The following LRP1B variants were observed in gnomAD, a reference collection of about 807,000 sequenced individuals.
The protein encoded by LRP1B is low-density lipoprotein receptor-related protein 1B.
LRP1B carries 217 observed loss-of-function variants against 556.6 expected under a neutral mutation model. The ratio of observed to expected loss-of-function variants is 0.39; its 90% CI spans 0.35 to 0.44. LRP1B has a LOEUF of 0.44. Among genes scored for constraint, LRP1B ranks in the 20% least tolerant of loss-of-function variants. The probability of loss-of-function intolerance (pLI) is 1.00; values close to 1 mark genes in which losing one functional copy is unlikely to be tolerated. For synonymous variants in LRP1B, 2,047 were observed against 1,865.8 expected, an observed-to-expected ratio of 1.10 and a Z score of -2.50; for missense variants, 5,053 against 5,620.8, an observed-to-expected ratio of 0.90 and a Z score of 3.23.
At chr2:140,646,659 C>T (rs560087130) in intron 41 of LRP1B, among the ~76,000 whole-genome samples, 2 of 152,058 alleles carry the variant, frequency 1.3e-5, no homozygotes, top group East Asian at 3.9e-4. Flanking sequence ...AAACTGTTAG[C>T]TTTTTAAGGT....
intron 3 of LRP1B, among the ~76,000 whole-genome samples, chr2:141,260,442 T>G (rs1189361559): frequency 6.6e-6 from 1 of 152,164 alleles, no homozygotes; most frequent in Non-Finnish European, 1.5e-5. Context: ...TGTAAATAAA[T>G]CATGCTGACC....
chr2:141,887,970 T>C (rs972626655), intron 1 of LRP1B, among the ~76,000 whole-genome samples: 1 of 152,214 alleles, frequency 6.6e-6, no homozygotes, highest in South Asian at 2.1e-4. Flanking sequence ...CTAAAGATGA[T>C]TTCCCTCTTA....
At position 140,840,982 on chromosome 2, in the gene LRP1B, A is replaced by G; in HGVS notation, c.5050T>C (p.Leu1684=). 6.2e-7 allele frequency: 1 copy of G among 1,613,506 alleles called. No homozygotes were observed. The highest frequency in any genetic ancestry group is 1.3e-5 in the African/African-American group (1 of 75,004). ...QINVARLDGS[L]KTSIIHGIDK... is the part of the protein sequence containing the mutation. ...ATTCCATGGATAATTGAGGTTTTCA[A>G]AGAGCCATCTAGCCTTGCCACATTA... The change falls in exon 30 of 91, where the codon TTG becomes CTG. Residue 1684 remains leucine, a synonymous_variant. Transcript: ENST00000389484.
intron 42 of LRP1B, among the ~76,000 whole-genome samples, chr2:140,600,221 T>C (rs1198201320): frequency 6.6e-6 from 1 of 152,144 alleles, no homozygotes; most frequent in South Asian, 2.1e-4. Context: ...CCAACTCTTT[T>C]ATTCCTACTG....
intron 35 of LRP1B, among the ~76,000 whole-genome samples, chr2:140,764,369 G>A (rs932735454): frequency 6.6e-6 from 1 of 152,074 alleles, no homozygotes; most frequent in Non-Finnish European, 1.5e-5. Flanking sequence ...AATGCACGAC[G>A]GCACAGTGGA....
intron 1 of LRP1B, among the ~76,000 whole-genome samples, chr2:142,071,004 C>T (rs1410476379): frequency 1.3e-5 from 2 of 151,648 alleles, no homozygotes; most frequent in South Asian, 2.1e-4. Context: ...TTGAGAAAGG[C>T]GAAGTTAATG....
chr2:140,314,930 T>C lies in LRP1B; in HGVS notation c.12805+5A>G. 2 of 1,559,780 alleles carry C rather than the reference T, an allele frequency of 1.3e-6. No homozygotes were observed. Among genetic ancestry groups the C allele is most frequent in the Non-Finnish European group, 8.7e-7 (1 of 1,154,346 alleles). On this transcript the variant is annotated splice_donor_5th_base_variant and intron_variant, in intron 83 of 90. Transcript: ENST00000389484. The stretch of plus-strand genomic sequence containing the variant: ...TGTGAAATACAATGACAATGAAATA[T>C]TTACCTAGAACTGATGGTACGCAAG...
intron 84 of LRP1B, among the ~76,000 whole-genome samples, chr2:140,277,779 G>A (rs1025177006): frequency 2.0e-5 from 3 of 151,860 alleles, no homozygotes; most frequent in East Asian, 1.9e-4. Flanking sequence ...ACTACTACTC[G>A]TGGGAGAGAA....
intron 18 of LRP1B, among the ~76,000 whole-genome samples, chr2:140,968,213 T>A (rs1461323434): frequency 1.3e-5 from 2 of 151,858 alleles, no homozygotes; most frequent in African/African-American, 4.8e-5. Context: ...TCAGAGCCTG[T>A]TATTGGTCTA....
intron 41 of LRP1B, among the ~76,000 whole-genome samples, chr2:140,639,287 A>T (rs1488917786): frequency 6.6e-6 from 1 of 152,228 alleles, no homozygotes; most frequent in Admixed American, 6.5e-5. Flanking sequence ...TAATTAAAAA[A>T]ACTAATCATC....
intron 37 of LRP1B, among the ~76,000 whole-genome samples, chr2:140,703,570 G>A (rs1686723008): frequency 6.6e-6 from 1 of 152,120 alleles, no homozygotes; most frequent in African/African-American, 2.4e-5. Flanking sequence ...TTCAACAGCT[G>A]GGTGTATAGT....
chr2:142,095,940 C>A (rs1010298179), intron 1 of LRP1B, among the ~76,000 whole-genome samples: 1 of 151,660 alleles, frequency 6.6e-6, no homozygotes, highest in African/African-American at 2.4e-5. Context: ...TTTGTAGTTC[C>A]ATTCAATTCC....
At chr2:142,085,632 A>G (rs1705887889) in intron 1 of LRP1B, among the ~76,000 whole-genome samples, 1 of 152,172 alleles carries the variant, frequency 6.6e-6, no homozygotes, top group Admixed American at 6.5e-5. Flanking sequence ...TTAAAAAGGT[A>G]TCCAATAGAA....
intron 32 of LRP1B, among the ~76,000 whole-genome samples, chr2:140,778,634 A>G (rs1371554112): frequency 5.3e-5 from 8 of 152,186 alleles, no homozygotes; most frequent in African/African-American, 1.9e-4. Flanking sequence ...AATTAGGCCA[A>G]TACATTATAT....
intron 1 of LRP1B, among the ~76,000 whole-genome samples, chr2:142,091,221 T>G (rs1248455283): frequency 6.6e-6 from 1 of 152,102 alleles, no homozygotes; most frequent in Non-Finnish European, 1.5e-5. Flanking sequence ...ACGAACTCAT[T>G]TTTTAGACTT....
chr2:141,075,844 A>AAC (rs1257714472), intron 7 of LRP1B, among the ~76,000 whole-genome samples: 2 of 152,190 alleles, frequency 1.3e-5, no homozygotes, highest in East Asian at 1.9e-4. Context: ...AATGGAGGAA[A>AAC]ACAGTGTTGA....
At chr2:140,718,853 A>G (rs867510429) in intron 35 of LRP1B, among the ~76,000 whole-genome samples, 2 of 141,948 alleles carry the variant, frequency 1.4e-5, no homozygotes, top group Admixed American at 7.0e-5. Flanking sequence ...GAGTCTTCAC[A>G]TATTTTTTTT....
intron 18 of LRP1B, among the ~76,000 whole-genome samples, chr2:140,973,052 T>TTA (rs200336213): frequency 0.029 from 4,024 of 138,424 alleles, 79 homozygotes; most frequent in African/African-American, 0.036. Flanking sequence ...ATATTTCATT[T>TTA]TATATATATA....
chr2:141,709,385 A>AAAATAAAATAAAAT (rs1466799866), intron 2 of LRP1B, among the ~76,000 whole-genome samples: 132 of 150,614 alleles, frequency 8.8e-4, no homozygotes, highest in African/African-American at 3.1e-3. Context: ...AAAATAAAAT[A>AAAATAAAATAAAAT]AAATAAAATA....
Sources: gnomAD v4.1 joint callset for allele counts (sites outside exome capture counted in the v4.1 genomes callset) on GRCh38, gnomAD v4.1.1 for gene constraint, MANE v1.5 for transcripts, NCBI Gene and HGNC (gene_info 2026-07-23, HGNC 2026-07-21) for gene names.